The following RRAS2 variants were observed in gnomAD, a reference collection of about 807,000 sequenced individuals.
RRAS2 encodes RAS related 2, also known as ras-related protein R-Ras2.
RRAS2 carries 7 observed loss-of-function variants against 27.6 expected under a neutral mutation model. That is an observed-to-expected ratio of 0.25 (90% confidence interval 0.14 to 0.48). The LOEUF (loss-of-function observed/expected upper bound fraction) is 0.48. Among genes scored for constraint, RRAS2 ranks in the 20% least tolerant of loss-of-function variants. The pLI is 0.99. For missense variants in RRAS2, 178 were observed against 256.2 expected, an observed-to-expected ratio of 0.69 and a Z score of 2.08; for synonymous variants, 86 against 90.9, an observed-to-expected ratio of 0.95 and a Z score of 0.31.
chr11:14,295,152 T>A (rs114180204), intron 2 of RRAS2, among the ~76,000 whole-genome samples: 2,195 of 152,274 alleles, frequency 0.014, 52 homozygotes, highest in African/African-American at 0.05. Flanking sequence ...TGGAGTCAGG[T>A]GACCTCTAAA....
chr11:14,349,139 G>C (rs1027096334), intron 1 of RRAS2, among the ~76,000 whole-genome samples: 2 of 136,024 alleles, frequency 1.5e-5, no homozygotes, highest in African/African-American at 5.6e-5. Context: ...CTAATTTTTT[G>C]TATTCATTTT....
intron 4 of RRAS2, among the ~76,000 whole-genome samples, chr11:14,285,574 C>A (rs1849638873): frequency 1.3e-5 from 2 of 152,168 alleles, no homozygotes; most frequent in South Asian, 4.1e-4. Context: ...GGTATCATTT[C>A]CCTTCTGCCT....
chr11:14,283,329 G>T (rs1336195112), intron 4 of RRAS2, among the ~76,000 whole-genome samples: 1 of 152,068 alleles, frequency 6.6e-6, no homozygotes, highest in Non-Finnish European at 1.5e-5. Flanking sequence ...ATTTTATTAA[G>T]AATCTTTATA....
chr11:14,319,649 C>T (rs1158754267), intron 1 of RRAS2, among the ~76,000 whole-genome samples: 9 of 152,004 alleles, frequency 5.9e-5, no homozygotes, highest in Admixed American at 4.6e-4. Context: ...TGAGCCACCG[C>T]GCCCGGCCGG....
chr11:14,290,011 C>A (rs1849766674), intron 4 of RRAS2, among the ~76,000 whole-genome samples: 1 of 152,202 alleles, frequency 6.6e-6, no homozygotes, highest in African/African-American at 2.4e-5. Flanking sequence ...TCAGAACCTA[C>A]AGATGACAAA....
rs574554940 is a variant in RRAS2, at chr11:14,289,814, G to A, written c.408+4657C>T. Reference sequence around the variant, plus strand: ...TATCCCTGAACCCTGGTGGGGTTCAGAATCTCAGGAGCCAGTGGTAGAAAT... The same window carrying A: ...TATCCCTGAACCCTGGTGGGGTTCAAAATCTCAGGAGCCAGTGGTAGAAAT... On this transcript the variant is annotated intron_variant, in intron 4 of 5. Transcript: ENST00000256196. Among the ~76,000 whole-genome samples the A allele has an allele frequency of 2.0e-5, 3 of 152,276 alleles. 1 individual carries two copies. The South Asian group carries it at 6.2e-4, about 32-fold the overall frequency.
chr11:14,338,030 C>CA (rs1210016219), intron 1 of RRAS2, among the ~76,000 whole-genome samples: 4 of 148,934 alleles, frequency 2.7e-5, no homozygotes, highest in African/African-American at 4.9e-5. Context: ...CTTGACAGTT[C>CA]AAAAAAAAAG....
intron 1 of RRAS2, among the ~76,000 whole-genome samples, chr11:14,296,546 A>G (rs553716490): frequency 6.6e-6 from 1 of 152,372 alleles, no homozygotes; most frequent in South Asian, 2.1e-4. Context: ...CAACCTGATT[A>G]TAATCATCAG....
rs1848936809 is a variant in RRAS2, at chr11:14,350,918, G to A, written c.108+7845C>T. 2.6e-5 allele frequency among the ~76,000 whole-genome samples: 4 copies of A among 152,252 alleles called. No homozygotes were observed. In the South Asian group the frequency reaches 8.3e-4, roughly 32 times the overall value. On this transcript the variant is annotated intron_variant, in intron 1 of 5. Coordinates refer to ENST00000256196, the MANE Select transcript of RRAS2 (RefSeq NM_012250.6). ...TCAGTCTTTTTCACAGGTGCATAAT[G>A]CTCCATTGGATATTCCTACCACGTA... is the stretch of plus-strand genomic sequence containing the variant.
At chr11:14,334,689 T>C (rs550482033) in intron 1 of RRAS2, among the ~76,000 whole-genome samples, 3 of 151,284 alleles carry the variant, frequency 2.0e-5, no homozygotes, top group South Asian at 2.1e-4. Flanking sequence ...CCCACCCTTC[T>C]AGCGAGTGTT....
At chr11:14,324,424 G>A (rs1848299908) in intron 1 of RRAS2, among the ~76,000 whole-genome samples, 1 of 146,912 alleles carries the variant, frequency 6.8e-6, no homozygotes, top group African/African-American at 2.5e-5. Flanking sequence ...TTTAAACAGA[G>A]GCCAAAAAAA....
chr11:14,354,338 G>T (rs1367982735), intron 1 of RRAS2: 1 of 152,118 alleles, frequency 6.6e-6, no homozygotes, highest in Non-Finnish European at 1.5e-5. Context: ...AAACCTCCCT[G>T]TAAATTTTTA....
At chr11:14,295,926 G>A in intron 1 of RRAS2, 71 bp from the exon 2 acceptor site, 1 of 1,394,112 alleles carries the variant, frequency 7.2e-7, no homozygotes, top group Non-Finnish European at 1.0e-6. Context: ...GTAATCCTAT[G>A]CTCTGGGAGG....
intron 4 of RRAS2, among the ~76,000 whole-genome samples, chr11:14,288,638 C>T (rs1849727998): frequency 6.6e-6 from 1 of 152,160 alleles, no homozygotes. Flanking sequence ...TAGCACTTCC[C>T]AGACATGTTT....
intron 1 of RRAS2, among the ~76,000 whole-genome samples, chr11:14,306,536 C>A (rs1847833702): frequency 6.6e-6 from 1 of 152,132 alleles, no homozygotes; most frequent in Non-Finnish European, 1.5e-5. Context: ...GTACATAGTT[C>A]CTAAATCTCA....
chr11:14,315,479 C>G (rs1474305911), intron 1 of RRAS2, among the ~76,000 whole-genome samples: 4 of 152,120 alleles, frequency 2.6e-5, no homozygotes, highest in Non-Finnish European at 5.9e-5. Flanking sequence ...CAAGAGGAGC[C>G]TAAGAAGGCA....
At chr11:14,317,544 C>T (rs1848135965) in intron 1 of RRAS2, among the ~76,000 whole-genome samples, 1 of 152,208 alleles carries the variant, frequency 6.6e-6, no homozygotes, top group Non-Finnish European at 1.5e-5. Context: ...CGTGCCATTG[C>T]ACTCCAGCCT....
intron 1 of RRAS2, among the ~76,000 whole-genome samples, chr11:14,307,107 T>C (rs559601521): frequency 6.6e-6 from 1 of 151,632 alleles, no homozygotes; most frequent in East Asian, 1.9e-4. Context: ...GGGAGGATCA[T>C]GGGAGCTCGG....
intron 1 of RRAS2, among the ~76,000 whole-genome samples, chr11:14,301,998 AATAAAATTC>A (rs1318521143): frequency 2.0e-5 from 3 of 151,380 alleles, no homozygotes; most frequent in Non-Finnish European, 2.9e-5. Flanking sequence ...AAAATAAATA[AATAAAATTC>A]ATAAAATTTC....
Sources: allele counts gnomAD v4.1 joint callset (sites outside exome capture counted in the v4.1 genomes callset), GRCh38; gene constraint gnomAD v4.1.1; transcripts MANE v1.5; gene names NCBI Gene and HGNC (gene_info 2026-07-23, HGNC 2026-07-21).